Variants in BRD10 observed in about 807,000 individuals in gnomAD.
BRD10 encodes the protein bromodomain containing 10.
At chr9:5,955,684 T>C in the BRD10 span, among the ~76,000 whole-genome samples, 3 of 149,002 alleles carry the variant, frequency 2.0e-5, no homozygotes, top group African/African-American at 7.8e-5. Flanking sequence ...TTTTAATAAG[T>C]ATTGACGGGT....
the BRD10 span, among the ~76,000 whole-genome samples, chr9:5,916,627 G>C: frequency 6.6e-6 from 1 of 151,558 alleles, no homozygotes. Context: ...CTTTTTGTGA[G>C]GGCAGGAAAA....
the BRD10 span, among the ~76,000 whole-genome samples, chr9:5,987,294 G>A: frequency 1.2e-4 from 19 of 152,052 alleles, no homozygotes; most frequent in African/African-American, 4.3e-4. Flanking sequence ...TTGTTCTCAG[G>A]ACAATCTGAT....
chr9:5,994,025 C>A, the BRD10 span, among the ~76,000 whole-genome samples: 9 of 152,154 alleles, frequency 5.9e-5, no homozygotes, highest in African/African-American at 2.2e-4. Context: ...AAGCTCTGTG[C>A]TACAACAGCC....
chr9:5,888,272 G>A, the BRD10 span, among the ~76,000 whole-genome samples: 2 of 152,206 alleles, frequency 1.3e-5, no homozygotes, highest in Non-Finnish European at 2.9e-5. Flanking sequence ...ATGATGTTAA[G>A]TAGAATCAGC....
chr9:5,931,539 C>T, the BRD10 span, among the ~76,000 whole-genome samples: 1 of 152,134 alleles, frequency 6.6e-6, no homozygotes, highest in Non-Finnish European at 1.5e-5. Flanking sequence ...TTTCATACAA[C>T]TTACCCACTA....
At chr9:5,946,235 A>C in the BRD10 span, among the ~76,000 whole-genome samples, 4 of 152,256 alleles carry the variant, frequency 2.6e-5, no homozygotes, top group South Asian at 8.3e-4. Context: ...AATTTTTATT[A>C]ACAATTACAT....
the BRD10 span, among the ~76,000 whole-genome samples, chr9:6,006,604 T>A: frequency 1.3e-5 from 2 of 152,200 alleles, no homozygotes; most frequent in South Asian, 2.1e-4. Context: ...AAAATGTGTG[T>A]TGATGCATTC....
chr9:5,953,927 T>G, the BRD10 span: 6 of 749,848 alleles, frequency 8.0e-6, no homozygotes, highest in Non-Finnish European at 1.4e-5. Context: ...TGTGCTACAG[T>G]TTCTTGGAAT....
At chr9:5,889,015 G>C in the BRD10 span, among the ~76,000 whole-genome samples, 2,080 of 152,260 alleles carry the variant, frequency 0.014, 45 homozygotes, top group African/African-American at 0.043. Context: ...AGCCAAACTT[G>C]CACCGAAAAA....
At chr9:5,944,127 TA>T in the BRD10 span, among the ~76,000 whole-genome samples, 3 of 151,806 alleles carry the variant, frequency 2.0e-5, no homozygotes, top group African/African-American at 4.8e-5. Flanking sequence ...ACGAAAGGTT[TA>T]AAAAAAACGA....
the BRD10 span, among the ~76,000 whole-genome samples, chr9:5,879,929 CTTCT>C: frequency 1.3e-5 from 2 of 152,124 alleles, no homozygotes; most frequent in Non-Finnish European, 2.9e-5. Flanking sequence ...GTAGAACTTA[CTTCT>C]TTCTGAGACA....
chr9:5,884,011 A>G, the BRD10 span, among the ~76,000 whole-genome samples: 1 of 152,202 alleles, frequency 6.6e-6, no homozygotes, highest in East Asian at 1.9e-4. Flanking sequence ...CTTACACACC[A>G]AAAACACACG....
chr9:5,981,712 A>G, the BRD10 span, among the ~76,000 whole-genome samples: 2 of 152,212 alleles, frequency 1.3e-5, no homozygotes, highest in Non-Finnish European at 2.9e-5. Flanking sequence ...ATAGCATTCT[A>G]TAATAATGAA....
At chr9:5,888,621 G>A in the BRD10 span, among the ~76,000 whole-genome samples, 1 of 152,214 alleles carries the variant, frequency 6.6e-6, no homozygotes, top group Non-Finnish European at 1.5e-5. Context: ...GGTTCAAGAA[G>A]TTTTGCAAAG....
At chr9:5,970,483 T>G in the BRD10 span, among the ~76,000 whole-genome samples, 3 of 152,152 alleles carry the variant, frequency 2.0e-5, no homozygotes, top group Non-Finnish European at 2.9e-5. Flanking sequence ...TGAAATTAGA[T>G]GCAAAGATAG....
the BRD10 span, among the ~76,000 whole-genome samples, chr9:5,914,286 C>A: frequency 6.6e-6 from 1 of 151,818 alleles, no homozygotes; most frequent in Non-Finnish European, 1.5e-5. Context: ...GACACCTGAC[C>A]GTGTTTTCCT....
At chr9:5,900,248 G>A in the BRD10 span, among the ~76,000 whole-genome samples, 1 of 152,148 alleles carries the variant, frequency 6.6e-6, no homozygotes, top group Admixed American at 6.6e-5. Context: ...TGCTTGGTAA[G>A]TTTCAAATTC....
At chr9:6,005,158 A>G in the BRD10 span, among the ~76,000 whole-genome samples, 1 of 152,240 alleles carries the variant, frequency 6.6e-6, no homozygotes, top group African/African-American at 2.4e-5. Flanking sequence ...GATGATTCTA[A>G]GCATTTAGAA....
the BRD10 span, chr9:6,007,116 G>A: frequency 3.5e-6 from 5 of 1,446,576 alleles, no homozygotes; most frequent in South Asian, 2.5e-5. Flanking sequence ...CCAGGCCCCT[G>A]GCCCAGCCCA....
Sources: gnomAD v4.1 joint callset for allele counts (sites outside exome capture counted in the v4.1 genomes callset) on GRCh38, gnomAD v4.1.1 for gene constraint, MANE v1.5 for transcripts, NCBI Gene and HGNC (gene_info 2026-07-23, HGNC 2026-07-21) for gene names.